CD44: variants seen among roughly 807,000 people sequenced by gnomAD.
CD44 encodes the protein CD44 antigen.
In CD44, 49 loss-of-function variants were observed where a neutral mutation model predicts 88.8. That is an observed-to-expected ratio of 0.55 (90% CI 0.44 to 0.70). CD44 has a LOEUF of 0.70. Ranked by LOEUF, CD44 falls within the 30% of genes least tolerant of loss-of-function variation. The pLI is 0.00. For missense variants in CD44, 883 were observed against 913.8 expected (o/e 0.97, Z 0.43); for synonymous variants, 325 against 312.3 (o/e 1.04, Z -0.43).
chr11:35,206,109 C>T lies in CD44; in HGVS notation c.1283-3C>T. 2 of 1,605,388 alleles carry T rather than the reference C, an allele frequency of 1.2e-6. No individual in the cohort carries two copies. The highest frequency in any genetic ancestry group is 1.1e-5 in the South Asian group (1 of 89,608). On this transcript the variant is annotated splice_region_variant and splice_polypyrimidine_tract_variant and intron_variant, in intron 10 of 17. Coordinates refer to ENST00000428726, the MANE Select transcript of CD44 (RefSeq NM_000610.4). ...GACAATTGCTCAAACTGCATGGTCA[C>T]AGCAGCCTCAGCTCATACCAGCCAT...
At position 35,231,964 on chromosome 11, in the gene CD44, T is replaced by C. The variant is rs942009665; in HGVS notation, c.*2631T>C. 1 of 152,230 alleles carries C rather than the reference T, an allele frequency of 6.6e-6. No individual in the cohort carries two copies. Among genetic ancestry groups the C allele is most frequent in the African/African-American group, 2.4e-5 (1 of 41,464 alleles). The allele number at this position is 152,230 out of a possible 1,614,324, so 9.4% of individuals were successfully genotyped here. ...AATCCATATTTCAAGCCTGGTAGAATTGGCTTTTCTAGCAGAACCTTTCCA... is the reference window on the plus strand; with the variant it reads ...AATCCATATTTCAAGCCTGGTAGAACTGGCTTTTCTAGCAGAACCTTTCCA... On this transcript the variant is annotated 3_prime_UTR_variant, in exon 18 of 18. Coordinates refer to ENST00000428726, the MANE Select transcript of CD44 (RefSeq NM_000610.4).
intron 7 of CD44, among the ~76,000 whole-genome samples, chr11:35,199,553 GA>G (rs201835610): frequency 1.5e-4 from 23 of 149,092 alleles, no homozygotes; most frequent in Admixed American, 2.7e-4. Flanking sequence ...AAAGGGTCCA[GA>G]AAAAAAAATA....
intron 1 of CD44, among the ~76,000 whole-genome samples, chr11:35,162,232 T>C (rs1942715270): frequency 1.3e-5 from 2 of 152,172 alleles, no homozygotes; most frequent in Non-Finnish European, 2.9e-5. Context: ...ACAGATTTCA[T>C]AGAAAGAGAC....
At chr11:35,144,992 T>C (rs117160904) in intron 1 of CD44, among the ~76,000 whole-genome samples, 4 of 152,346 alleles carry the variant, frequency 2.6e-5, no homozygotes, top group Admixed American at 1.3e-4. Flanking sequence ...CGTACCAAGA[T>C]AAGCCACATG....
chr11:35,171,348 A>G (rs1213011853), intron 1 of CD44, among the ~76,000 whole-genome samples: 2 of 152,218 alleles, frequency 1.3e-5, no homozygotes, highest in East Asian at 3.8e-4. Context: ...CTAAGTAGCT[A>G]AATAGCGTCA....
intron 1 of CD44, among the ~76,000 whole-genome samples, chr11:35,164,483 G>T (rs1293944780): frequency 6.6e-6 from 1 of 152,228 alleles, no homozygotes; most frequent in East Asian, 1.9e-4. Context: ...CAAGAGGAAA[G>T]AAAATCAAAT....
At chr11:35,186,992 G>A (rs1355132812) in intron 4 of CD44, 92 bp downstream of exon 4, 3 of 813,018 alleles carry the variant, frequency 3.7e-6, no homozygotes, top group Non-Finnish European at 6.5e-6. Flanking sequence ...AGAATATTAG[G>A]CCAGGTGTGG....
chr11:35,201,417 G>A (rs950064856), intron 8 of CD44, among the ~76,000 whole-genome samples: 6 of 152,148 alleles, frequency 3.9e-5, no homozygotes, highest in Non-Finnish European at 8.8e-5. Context: ...AAATGAATAT[G>A]TTTGAATGGT....
chr11:35,201,715 C>T lies in CD44; in HGVS notation c.1081C>T (p.Pro361Ser), dbSNP rs1565122711. The part of the protein sequence containing the change: ...GTTAYEGNWN[P>S]EAHPPLIHHE... ...CACTGCTTATGAAGGAAACTGGAAC[C>T]CAGAAGCACACCCTCCCCTCATTCA... is the stretch of plus-strand genomic sequence containing the variant. Residue 361 changes from proline (P) to serine (S), a missense_variant, in exon 9 of 18, where the codon CCA becomes TCA. Physicochemically the swap from Pro to Ser is moderately conservative, Grantham distance 74. This residue lies in a region of CD44 where 631 missense variants were observed against 590.9 expected (regional missense o/e 1.07). Transcript: ENST00000428726. 1.9e-6 allele frequency: 3 copies of T among 1,613,630 alleles called. No individual in the cohort carries two copies. The highest frequency in any genetic ancestry group is 3.3e-5 in the Admixed American group (2 of 60,008).
chr11:35,141,168 G>A (rs1029897061), intron 1 of CD44, among the ~76,000 whole-genome samples: 4 of 152,190 alleles, frequency 2.6e-5, no homozygotes, highest in African/African-American at 9.7e-5. Context: ...CTGTTTGACA[G>A]GAGGAAAACT....
intron 1 of CD44, among the ~76,000 whole-genome samples, chr11:35,175,167 C>T (rs569988310): frequency 2.4e-4 from 37 of 152,314 alleles, no homozygotes; most frequent in Non-Finnish European, 1.6e-4. Flanking sequence ...TGGGAAGGAG[C>T]TCAGAATGTC....
intron 11 of CD44, among the ~76,000 whole-genome samples, chr11:35,206,745 G>A (rs958977720): frequency 1.6e-5 from 1 of 61,162 alleles, no homozygotes; most frequent in Non-Finnish European, 2.8e-5. Flanking sequence ...GAATGAATAT[G>A]TCAGTGAGTG....
intron 1 of CD44, among the ~76,000 whole-genome samples, chr11:35,153,617 G>A (rs1047738947): frequency 4.6e-5 from 7 of 152,224 alleles, no homozygotes; most frequent in African/African-American, 1.7e-4. Flanking sequence ...GTAGACAAGA[G>A]AGGCATAGTC....
At chr11:35,180,671 T>G (rs764917356) in intron 3 of CD44, among the ~76,000 whole-genome samples, 12 of 152,198 alleles carry the variant, frequency 7.9e-5, no homozygotes, top group Non-Finnish European at 1.3e-4. Context: ...AGAATTGTCT[T>G]GGGCCCCACA....
intron 10 of CD44, 168 bp downstream of exon 10, chr11:35,204,808 A>G: frequency 3.4e-6 from 2 of 594,440 alleles, no homozygotes; most frequent in Non-Finnish European, 5.9e-6. Context: ...AAGGCTCATA[A>G]CAAGTCACCT....
intron 2 of CD44, among the ~76,000 whole-genome samples, 190 bp from the exon 3 acceptor site, chr11:35,180,084 G>C (rs2133712495): frequency 6.6e-6 from 1 of 151,938 alleles, no homozygotes; most frequent in East Asian, 1.9e-4. Context: ...GTTTCTATCA[G>C]TCTTGTTGAT....
At chr11:35,197,452 T>A (rs1181237184) in intron 6 of CD44, 3 of 152,384 alleles carry the variant, frequency 2.0e-5, no homozygotes, top group Admixed American at 2.0e-4. Flanking sequence ...AGAAAAAGAA[T>A]TTCTCAATTT....
intron 14 of CD44, chr11:35,212,949 G>C (rs1359896130): frequency 6.6e-6 from 1 of 152,224 alleles, no homozygotes; most frequent in Non-Finnish European, 1.5e-5. Flanking sequence ...TCAGCCTCCT[G>C]AGTAGCTGGG....
At chr11:35,172,908 C>T (rs1397994753) in intron 1 of CD44, among the ~76,000 whole-genome samples, 2 of 151,814 alleles carry the variant, frequency 1.3e-5, no homozygotes, top group Non-Finnish European at 2.9e-5. Context: ...TTTCATGGAA[C>T]TTTTGGAAGA....
Sources: allele counts gnomAD v4.1 joint callset (sites outside exome capture counted in the v4.1 genomes callset), GRCh38; gene constraint gnomAD v4.1.1; regional missense constraint gnomAD v4.1.1; transcripts MANE v1.5; gene names NCBI Gene and HGNC (gene_info 2026-07-23, HGNC 2026-07-21).